Variants in RNF43 observed in about 807,000 individuals in gnomAD.
RNF43 encodes ring finger protein 43.
Under a neutral mutation model 78.4 loss-of-function variants are expected in RNF43, and 37 were observed. The observed-to-expected ratio is 0.47, with a 90% CI of 0.36 to 0.62. RNF43 has a LOEUF of 0.62. RNF43 is among the 20% of genes least tolerant of loss of function. The pLI is 0.00. For missense variants in RNF43, 774 were observed against 1,007.9 expected (o/e 0.77, Z 3.14); for synonymous variants, 347 against 395.0 (o/e 0.88, Z 1.44).
At chr17:58,405,793 A>G (rs952848716) in intron 2 of RNF43, among the ~76,000 whole-genome samples, 4 of 152,180 alleles carry the variant, frequency 2.6e-5, no homozygotes, top group African/African-American at 9.7e-5. Context: ...TCAGCACTCT[A>G]ATGCATTTAT....
At chr17:58,363,068 TC>T in intron 5 of RNF43, 1 of 602,182 alleles carries the variant, frequency 1.7e-6, no homozygotes, top group East Asian at 2.8e-5. Flanking sequence ...ACTTTAGAAC[TC>T]ATCTGTCCTG....
chr17:58,363,697 G>A, intron 3 of RNF43, 97 bp from the exon 4 acceptor site: 1 of 1,020,222 alleles, frequency 9.8e-7, no homozygotes. Flanking sequence ...CCCTTCCTAG[G>A]ATTATGCCCA....
At chr17:58,395,795 T>A (rs906363714) in intron 2 of RNF43, among the ~76,000 whole-genome samples, 3 of 152,190 alleles carry the variant, frequency 2.0e-5, no homozygotes, top group African/African-American at 7.2e-5. Flanking sequence ...CATATTACAA[T>A]AAAATCCTCT....
chr17:58,415,434 G>T lies in RNF43; in HGVS notation c.144C>A (p.Ile48=), dbSNP rs1468392275. ...SERSAEQKAI[I]RVIPLKMDPT... is the part of the protein sequence containing the mutation. ...GGTCCATTTTCAAGGGGATCACTCT[G>T]ATAATAGCTTTCTGTTCTGCTGATC... Residue 48 remains isoleucine, a synonymous_variant, in exon 2 of 10, where the codon ATC becomes ATA. Coordinates refer to ENST00000407977, the MANE Select transcript of RNF43 (RefSeq NM_017763.6). The T allele has an allele frequency of 6.2e-7, 1 of 1,614,222 alleles. No individual in the cohort carries two copies.
At chr17:58,372,185 GT>G (rs964644170) in intron 2 of RNF43, among the ~76,000 whole-genome samples, 89 of 152,284 alleles carry the variant, frequency 5.8e-4, no homozygotes, top group African/African-American at 2.1e-3. Flanking sequence ...TGAAGATAAT[GT>G]CAATGATGGA....
intron 6 of RNF43, among the ~76,000 whole-genome samples, chr17:58,362,325 C>A (rs1031283872): frequency 6.6e-6 from 1 of 152,172 alleles, no homozygotes; most frequent in African/African-American, 2.4e-5. Flanking sequence ...GCACCTGGAA[C>A]AGTGCCTGAC....
chr17:58,365,375 C>T (rs1270341818), intron 3 of RNF43, among the ~76,000 whole-genome samples: 1 of 152,140 alleles, frequency 6.6e-6, no homozygotes, highest in Non-Finnish European at 1.5e-5. Context: ...AGAACAAGAC[C>T]CTGGACCCAC....
intron 2 of RNF43, among the ~76,000 whole-genome samples, chr17:58,375,154 C>A (rs981326876): frequency 2.0e-5 from 3 of 152,120 alleles, no homozygotes; most frequent in Non-Finnish European, 4.4e-5. Flanking sequence ...ATAACCTACT[C>A]CCTAGGGTCA....
At chr17:58,386,960 T>C (rs183423848) in intron 2 of RNF43, among the ~76,000 whole-genome samples, 2 of 152,106 alleles carry the variant, frequency 1.3e-5, no homozygotes, top group African/African-American at 4.8e-5. Context: ...GCCTATACTC[T>C]CACTTACTAA....
intron 2 of RNF43, among the ~76,000 whole-genome samples, chr17:58,394,285 T>C (rs1167035954): frequency 6.6e-6 from 1 of 152,220 alleles, no homozygotes; most frequent in Non-Finnish European, 1.5e-5. Flanking sequence ...CCATTGACGG[T>C]GAATTTTAGA....
intron 3 of RNF43, among the ~76,000 whole-genome samples, chr17:58,369,105 ACACT>A (rs1286220154): frequency 6.6e-6 from 1 of 152,126 alleles, no homozygotes; most frequent in Non-Finnish European, 1.5e-5. Flanking sequence ...ACACACACAC[ACACT>A]CACTATGTAA....
chr17:58,357,068 AT>A lies in RNF43; in HGVS notation c.2308+399del. 1.6e-6 allele frequency: 1 copy of A among 607,018 alleles called. No homozygotes were observed. The highest frequency in any genetic ancestry group is 2.8e-5 in the East Asian group (1 of 36,356). The allele number at this position is 607,018 out of a possible 1,614,324, so 37.6% of individuals were successfully genotyped here. On this transcript the variant is annotated intron_variant, in intron 9 of 9. Coordinates refer to ENST00000407977, the MANE Select transcript of RNF43 (RefSeq NM_017763.6). The surrounding 1 kb of genome is among the most constrained non-coding windows in gnomAD (Gnocchi z 4.5). Reference sequence around the variant, plus strand: ...GCCACCATACCCGGCTAATTTTTGTATTTTTAGTAGAGATAGGGTTTCACCA... The same window carrying A: ...GCCACCATACCCGGCTAATTTTTGTATTTTAGTAGAGATAGGGTTTCACCA...
chr17:58,357,322 G>C lies in RNF43; in HGVS notation c.2308+146C>G, dbSNP rs1414999013. 3 of 1,016,108 alleles carry C rather than the reference G, an allele frequency of 3.0e-6. No homozygotes were observed. The highest frequency in any genetic ancestry group is 4.5e-6 in the Non-Finnish European group (3 of 659,374). The allele number at this position is 1,016,108 out of a possible 1,614,324, so 62.9% of individuals were successfully genotyped here. A position where few individuals can be genotyped will look rare whatever the true frequency, so the allele number is the denominator to read the frequency against. On this transcript the variant is annotated intron_variant, in intron 9 of 9. Transcript: ENST00000407977. The surrounding 1 kb of genome is among the most constrained non-coding windows in gnomAD (Gnocchi z 4.5). ...TGCACTCTAGCCAGCATGATACGCT[G>C]TCCCGATGGTTAAGTATTTTGGTTG...
chr17:58,394,137 AC>A (rs1973623283), intron 2 of RNF43, among the ~76,000 whole-genome samples: 1 of 152,194 alleles, frequency 6.6e-6, no homozygotes, highest in South Asian at 2.1e-4. Context: ...TACTGGGGAT[AC>A]CCTTCTCTCT....
At chr17:58,406,233 T>C (rs1248447463) in intron 2 of RNF43, among the ~76,000 whole-genome samples, 1 of 152,190 alleles carries the variant, frequency 6.6e-6, no homozygotes, top group Non-Finnish European at 1.5e-5. Context: ...TAATGGAATG[T>C]TCAGGGGGAA....
At chr17:58,403,356 A>G (rs1840241754) in intron 2 of RNF43, among the ~76,000 whole-genome samples, 3 of 152,218 alleles carry the variant, frequency 2.0e-5, no homozygotes. Context: ...ACAACTAAGG[A>G]CAAGGATCTT....
chr17:58,376,856 C>A (rs1026075458), intron 2 of RNF43, among the ~76,000 whole-genome samples: 1 of 152,114 alleles, frequency 6.6e-6, no homozygotes, highest in Admixed American at 6.5e-5. Flanking sequence ...AGTTAGGACA[C>A]CACTGTCTCA....
At chr17:58,394,923 G>A (rs368287623) in intron 2 of RNF43, 5 of 152,308 alleles carry the variant, frequency 3.3e-5, no homozygotes, top group African/African-American at 1.2e-4. Flanking sequence ...AAAATCTATG[G>A]AGGCACAATG....
rs180792040 is a variant in RNF43, at chr17:58,391,175, T to C, written c.253-20142A>G. On this transcript the variant is annotated intron_variant, in intron 2 of 9. Transcript: ENST00000407977. ...ACACTGAGGACCAAACTTAGAAAGA[T>C]TGTGAAGCAGTGGGACAAATAAAAA... 8.7e-3 allele frequency among the ~76,000 whole-genome samples: 1,328 copies of C among 152,258 alleles called. 22 individuals are homozygous for C. Among genetic ancestry groups the C allele is most frequent in the African/African-American group, 0.03 (1,243 of 41,522 alleles).
Sources: allele counts gnomAD v4.1 joint callset (sites outside exome capture counted in the v4.1 genomes callset), GRCh38; gene constraint gnomAD v4.1.1; non-coding constraint Gnocchi (gnomAD v3.1); transcripts MANE v1.5; gene names NCBI Gene and HGNC (gene_info 2026-07-23, HGNC 2026-07-21).